The following HACD2 variants were observed in gnomAD, a reference collection of about 807,000 sequenced individuals.
The protein encoded by HACD2 is very-long-chain (3R)-3-hydroxyacyl-CoA dehydratase 2.
In HACD2, 15 loss-of-function variants were observed where a neutral mutation model predicts 31.0. That is an observed-to-expected ratio of 0.48 (90% confidence interval 0.32 to 0.75). The LOEUF is 0.75. HACD2 is among the 30% of genes least tolerant of loss of function. The probability of loss-of-function intolerance (pLI) is 0.03; values close to 1 mark genes in which losing one functional copy is unlikely to be tolerated. For synonymous variants in HACD2, 115 were observed against 122.2 expected (o/e 0.94, Z 0.39); for missense variants, 283 against 313.0 (o/e 0.90, Z 0.72).
At chr3:123,515,257 T>C (rs2056119305) in intron 4 of HACD2, among the ~76,000 whole-genome samples, 1 of 152,122 alleles carries the variant, frequency 6.6e-6, no homozygotes, top group African/African-American at 2.4e-5. Context: ...TTAGCAGTTA[T>C]CCCACTATAT....
chr3:123,508,853 T>C (rs1340732936), intron 4 of HACD2, among the ~76,000 whole-genome samples: 1 of 152,176 alleles, frequency 6.6e-6, no homozygotes, highest in Non-Finnish European at 1.5e-5. Context: ...GAGATCAGGA[T>C]GGCAGCATGA....
At chr3:123,578,200 T>C (rs2056927965) in intron 2 of HACD2, among the ~76,000 whole-genome samples, 1 of 152,254 alleles carries the variant, frequency 6.6e-6, no homozygotes, top group Non-Finnish European at 1.5e-5. Flanking sequence ...CAGTAATTCA[T>C]TTGCCTTTAT....
chr3:123,578,161 A>AT (rs1268047547), intron 2 of HACD2, among the ~76,000 whole-genome samples: 1 of 152,018 alleles, frequency 6.6e-6, no homozygotes. Flanking sequence ...TTTCACATGC[A>AT]TTTTTTCAAG....
chr3:123,538,560 T>C (rs2107716731), intron 3 of HACD2, among the ~76,000 whole-genome samples: 1 of 152,300 alleles, frequency 6.6e-6, no homozygotes, highest in South Asian at 2.1e-4. Flanking sequence ...CAAAACTAAG[T>C]ACAGAGGTGC....
At position 123,521,152 on chromosome 3, in the gene HACD2, A is replaced by C. The variant is rs9842350; in HGVS notation, c.381+7234T>G. On this transcript the variant is annotated intron_variant, in intron 4 of 6. Coordinates refer to ENST00000383657, the MANE Select transcript of HACD2 (RefSeq NM_198402.5). The stretch of plus-strand genomic sequence containing the variant: ...GAGAATGTATTCCAACAAGCTTGTC[A>C]AAAATTTCACCATCAAAAATAGGAG... Among the ~76,000 whole-genome samples the C allele has an allele frequency of 5.3e-3, 810 of 152,306 alleles. 2 individuals are homozygous for C. The highest frequency in any genetic ancestry group is 0.019 in the African/African-American group (792 of 41,562).
chr3:123,546,862 T>C (rs1029996612), intron 3 of HACD2, among the ~76,000 whole-genome samples: 3 of 152,286 alleles, frequency 2.0e-5, no homozygotes, highest in Admixed American at 1.3e-4. Flanking sequence ...TTTTCAGTCA[T>C]GGAAAGCAAT....
At chr3:123,523,836 T>C (rs944686039) in intron 4 of HACD2, among the ~76,000 whole-genome samples, 1 of 152,156 alleles carries the variant, frequency 6.6e-6, no homozygotes, top group African/African-American at 2.4e-5. Context: ...TCCACCCCAG[T>C]GTGAGGCAGC....
At chr3:123,554,828 AT>A (rs112200373) in intron 3 of HACD2, among the ~76,000 whole-genome samples, 8,625 of 152,288 alleles carry the variant, frequency 0.057, 811 homozygotes, top group African/African-American at 0.2. Context: ...ATAAAGTAAG[AT>A]TTAAGACAAA....
intron 2 of HACD2, among the ~76,000 whole-genome samples, chr3:123,580,394 G>A (rs1022981156): frequency 3.3e-5 from 5 of 151,588 alleles, no homozygotes; most frequent in Non-Finnish European, 7.4e-5. Context: ...GAGGATGGCT[G>A]GGGCCTGGGA....
chr3:123,514,959 C>T (rs2056114949), intron 4 of HACD2, among the ~76,000 whole-genome samples: 1 of 152,128 alleles, frequency 6.6e-6, no homozygotes, highest in Admixed American at 6.5e-5. Flanking sequence ...TGTTAGAAAC[C>T]TCAGGACACA....
Position 123,578,516 on chromosome 3 carries a change from C to T in HACD2, c.273+3696G>A, listed in dbSNP as rs148121009. On this transcript the variant is annotated intron_variant, in intron 2 of 6. Coordinates refer to ENST00000383657, the MANE Select transcript of HACD2 (RefSeq NM_198402.5). ...GAATTTCTGGCCTCAAGCAATCCCC[C>T]CATGTCAGCCTCCTAAAGTGCTGGG... 9.1e-4 allele frequency among the ~76,000 whole-genome samples: 139 copies of T among 152,280 alleles called. 2 individuals carry two copies. Among genetic ancestry groups the T allele is most frequent in the African/African-American group, 3.3e-3 (136 of 41,566 alleles).
chr3:123,504,619 G>T (rs79223359), intron 4 of HACD2, among the ~76,000 whole-genome samples: 1 of 151,688 alleles, frequency 6.6e-6, no homozygotes, highest in African/African-American at 2.4e-5. Context: ...CCTCCCATCC[G>T]TCCCCAAGTT....
chr3:123,517,394 A>T (rs1393187378), intron 4 of HACD2, among the ~76,000 whole-genome samples: 1 of 152,230 alleles, frequency 6.6e-6, no homozygotes, highest in East Asian at 1.9e-4. Flanking sequence ...AAAAGCTTTC[A>T]TGCAACTATT....
chr3:123,539,624 A>G lies in HACD2; in HGVS notation c.293-11150T>C, dbSNP rs1468129268. 2.0e-5 allele frequency among the ~76,000 whole-genome samples: 3 copies of G among 152,176 alleles called. No individual in the cohort carries two copies. The East Asian group carries it at 5.8e-4, about 29-fold the overall frequency. Reference sequence around the variant, plus strand: ...GTAGAAGTCAGGCTCAGGGAAAATAAGGGTAAAAACAATAATTTAAAATCA... The same window carrying G: ...GTAGAAGTCAGGCTCAGGGAAAATAGGGGTAAAAACAATAATTTAAAATCA... On this transcript the variant is annotated intron_variant, in intron 3 of 6. Transcript: ENST00000383657.
chr3:123,549,050 A>G (rs567387676), intron 3 of HACD2, among the ~76,000 whole-genome samples: 3 of 151,480 alleles, frequency 2.0e-5, no homozygotes, highest in Non-Finnish European at 4.4e-5. Flanking sequence ...GTAGAACAAC[A>G]TATCCTTTAT....
intron 3 of HACD2, among the ~76,000 whole-genome samples, chr3:123,545,486 A>AAAATAAATAAATAAAT (rs138722084): frequency 0.017 from 1,879 of 112,924 alleles, 16 homozygotes; most frequent in African/African-American, 0.028. Flanking sequence ...AGTCTCAGTA[A>AAAATAAATAAATAAAT]AAATAAATAA....
At chr3:123,549,266 A>G (rs1434986343) in intron 3 of HACD2, among the ~76,000 whole-genome samples, 1 of 152,148 alleles carries the variant, frequency 6.6e-6, no homozygotes. Context: ...ATCTGCCATT[A>G]TTTATAGACC....
At chr3:123,510,942 TTTG>T (rs1414730096) in intron 4 of HACD2, among the ~76,000 whole-genome samples, 1 of 144,516 alleles carries the variant, frequency 6.9e-6, no homozygotes, top group Non-Finnish European at 1.5e-5. Context: ...GTTTTTTTTT[TTTG>T]TTTTTTTTTG....
At chr3:123,521,139 C>G (rs958295160) in intron 4 of HACD2, among the ~76,000 whole-genome samples, 14 of 152,022 alleles carry the variant, frequency 9.2e-5, no homozygotes, top group African/African-American at 3.4e-4. Flanking sequence ...GAATGTATTC[C>G]AACAAGCTTG....
Sources: allele counts gnomAD v4.1 joint callset (sites outside exome capture counted in the v4.1 genomes callset), GRCh38; gene constraint gnomAD v4.1.1; transcripts MANE v1.5; gene names NCBI Gene and HGNC (gene_info 2026-07-23, HGNC 2026-07-21).